LRRTM3: variants seen among roughly 807,000 people sequenced by gnomAD.
LRRTM3 encodes the protein leucine-rich repeat transmembrane neuronal protein 3.
Under a neutral mutation model 44.7 loss-of-function variants are expected in LRRTM3, and 24 were observed. That is an observed-to-expected ratio of 0.54 (90% CI 0.39 to 0.76). LRRTM3 has a LOEUF of 0.76. Ranked by LOEUF, LRRTM3 falls within the 30% of genes least tolerant of loss-of-function variation. The probability of loss-of-function intolerance (pLI) is 0.00; values close to 1 mark genes in which losing one functional copy is unlikely to be tolerated. For synonymous variants in LRRTM3, 277 were observed against 278.7 expected (o/e 0.99, Z 0.06); for missense variants, 587 against 702.2 (o/e 0.84, Z 1.85).
intron 2 of LRRTM3, among the ~76,000 whole-genome samples, chr10:66,985,247 T>C (rs964434645): frequency 3.9e-5 from 6 of 152,212 alleles, no homozygotes; most frequent in African/African-American, 1.4e-4. Context: ...TATAGTAATA[T>C]AGTGATTATT....
Position 67,035,450 on chromosome 10 carries a change from G to A in LRRTM3, c.1537-62137G>A, listed in dbSNP as rs141147096. ...CTTTGAAGTTGTTGCTCTTGTAGAT[G>A]TTGGTATTTTTTTTTAATTTTGAAG... On this transcript the variant is annotated intron_variant, in intron 2 of 2. Coordinates refer to ENST00000361320, the MANE Select transcript of LRRTM3 (RefSeq NM_178011.5). Among the ~76,000 whole-genome samples, 1,267 of 152,212 alleles carry A rather than the reference G, an allele frequency of 8.3e-3. 11 individuals carry two copies. The highest frequency in any genetic ancestry group is 0.013 in the Non-Finnish European group (885 of 68,004).
intron 2 of LRRTM3, among the ~76,000 whole-genome samples, chr10:66,935,613 A>C (rs142275053): frequency 5.5e-4 from 83 of 152,156 alleles, no homozygotes; most frequent in African/African-American, 1.9e-3. Context: ...CAAGGTACGT[A>C]TGTTGTACAT....
chr10:67,027,381 T>C (rs1413224190), intron 2 of LRRTM3, among the ~76,000 whole-genome samples: 3 of 152,072 alleles, frequency 2.0e-5, no homozygotes, highest in Non-Finnish European at 4.4e-5. Context: ...TCAGAAAATA[T>C]TAAATACCTA....
intron 2 of LRRTM3, among the ~76,000 whole-genome samples, chr10:67,081,562 T>C (rs554173457): frequency 1.9e-4 from 29 of 152,192 alleles, no homozygotes; most frequent in Non-Finnish European, 3.5e-4. Flanking sequence ...TCCAACCCTA[T>C]TGATAGTATC....
intron 2 of LRRTM3, among the ~76,000 whole-genome samples, chr10:67,086,650 A>G (rs1857327292): frequency 6.6e-6 from 1 of 151,994 alleles, no homozygotes; most frequent in Non-Finnish European, 1.5e-5. Context: ...CAAGTGGGCT[A>G]TTAGAAGTCA....
rs1443984320 is a variant in LRRTM3 at position 66,927,933 on chromosome 10, C to T, written c.1017C>T (p.Ile339=). ...SFKGLRENTI[I]CASPKELQGV... The stretch of plus-strand genomic sequence containing the variant: ...AAGGTCTAAGGGAGAATACAATTAT[C>T]TGTGCCAGTCCCAAAGAGCTGCAAG... Residue 339 remains isoleucine (I), a synonymous_variant, in exon 2 of 3, where the codon ATC becomes ATT. Coordinates refer to ENST00000361320, the MANE Select transcript of LRRTM3 (RefSeq NM_178011.5). This position sits in a 1 kb window ranked among gnomAD's most constrained non-coding sequence, Gnocchi z 4.7. 2.5e-6 allele frequency: 4 copies of T among 1,614,228 alleles called. No individual in the cohort carries two copies. Among genetic ancestry groups the T allele is most frequent in the Non-Finnish European group, 3.4e-6 (4 of 1,180,050 alleles).
intron 2 of LRRTM3, among the ~76,000 whole-genome samples, chr10:67,077,570 C>T (rs1332973515): frequency 6.6e-6 from 1 of 152,088 alleles, no homozygotes; most frequent in Non-Finnish European, 1.5e-5. Context: ...CTACTTGATT[C>T]ATTCATCTCA....
At chr10:66,989,357 A>G (rs75391260) in intron 2 of LRRTM3, among the ~76,000 whole-genome samples, 7,054 of 152,306 alleles carry the variant, frequency 0.046, 344 homozygotes, top group African/African-American at 0.12. Flanking sequence ...ATTGTGGCAG[A>G]GGAAAATTTA....
At chr10:67,066,195 C>CTTT (rs71006118) in intron 2 of LRRTM3, among the ~76,000 whole-genome samples, 49,400 of 122,710 alleles carry the variant, frequency 0.4, 10,715 homozygotes, top group Middle Eastern at 0.52. Context: ...AAGTCACTGG[C>CTTT]TTTTTTTTTT....
At chr10:66,968,344 T>C (rs1849543911) in intron 2 of LRRTM3, among the ~76,000 whole-genome samples, 1 of 149,634 alleles carries the variant, frequency 6.7e-6, no homozygotes, top group African/African-American at 2.4e-5. Flanking sequence ...TCTAAATAAA[T>C]ATTATATATA....
rs1850558635 is a variant in LRRTM3 at position 66,983,421 on chromosome 10, A to G, written c.1536+54969A>G. 1.3e-5 allele frequency among the ~76,000 whole-genome samples: 2 copies of G among 152,162 alleles called. 1 individual carries two copies. Among genetic ancestry groups the G allele is most frequent in the Admixed American group, 1.3e-4 (2 of 15,272 alleles). On this transcript the variant is annotated intron_variant, in intron 2 of 2. Transcript: ENST00000361320. Reference sequence around the variant, plus strand: ...GTGAGTTTTGTACGGGTGCCCAGGCATCCCCAGATGGAGCAAACAAGGAAA... The same window carrying G: ...GTGAGTTTTGTACGGGTGCCCAGGCGTCCCCAGATGGAGCAAACAAGGAAA...
intron 2 of LRRTM3, among the ~76,000 whole-genome samples, chr10:66,997,837 C>G (rs1038253149): frequency 2.0e-5 from 3 of 152,122 alleles, no homozygotes; most frequent in Non-Finnish European, 4.4e-5. Flanking sequence ...ATCACCCAAG[C>G]CAGAAGCCTA....
At chr10:66,930,269 T>A (rs1240205575) in intron 2 of LRRTM3, among the ~76,000 whole-genome samples, 1 of 152,334 alleles carries the variant, frequency 6.6e-6, no homozygotes, top group Non-Finnish European at 1.5e-5. Context: ...TTAGTTACAA[T>A]GTTTACCCAT....
chr10:67,012,114 T>A (rs539073253), intron 2 of LRRTM3, among the ~76,000 whole-genome samples: 1 of 152,372 alleles, frequency 6.6e-6, no homozygotes, highest in South Asian at 2.1e-4. Flanking sequence ...TCTCTGGCTC[T>A]GGAGTCTACA....
chr10:67,008,885 T>C (rs1442658327), intron 2 of LRRTM3, among the ~76,000 whole-genome samples: 1 of 152,212 alleles, frequency 6.6e-6, no homozygotes, highest in East Asian at 1.9e-4. Context: ...TGAGGGTTTA[T>C]ACTATCTTGT....
intron 2 of LRRTM3, among the ~76,000 whole-genome samples, chr10:66,994,761 C>T (rs1047123824): frequency 6.6e-6 from 1 of 152,184 alleles, no homozygotes; most frequent in South Asian, 2.1e-4. Flanking sequence ...TAGAATACAG[C>T]TGCAGGGCTT....
intron 2 of LRRTM3, among the ~76,000 whole-genome samples, chr10:67,040,264 A>G (rs1005292448): frequency 3.3e-5 from 5 of 152,134 alleles, no homozygotes; most frequent in African/African-American, 1.2e-4. Context: ...TAAGGGTTCC[A>G]GATAAGATGA....
intron 2 of LRRTM3, among the ~76,000 whole-genome samples, chr10:67,004,636 G>A (rs891829136): frequency 6.6e-6 from 1 of 152,106 alleles, no homozygotes; most frequent in Non-Finnish European, 1.5e-5. Context: ...AATAAGTCAA[G>A]ATAACTGATG....
chr10:66,951,702 A>C (rs2132723570), intron 2 of LRRTM3, among the ~76,000 whole-genome samples: 1 of 152,212 alleles, frequency 6.6e-6, no homozygotes, highest in East Asian at 1.9e-4. Flanking sequence ...TTTTTTTCCC[A>C]AAAAGGAAAC....
Sources: allele counts gnomAD v4.1 joint callset (sites outside exome capture counted in the v4.1 genomes callset), GRCh38; gene constraint gnomAD v4.1.1; non-coding constraint Gnocchi (gnomAD v3.1); transcripts MANE v1.5; gene names NCBI Gene and HGNC (gene_info 2026-07-23, HGNC 2026-07-21).